KIAA1549L: variants seen among roughly 807,000 people sequenced by gnomAD.
The protein encoded by KIAA1549L is KIAA1549 like, also known as UPF0606 protein KIAA1549L.
Under a neutral mutation model 160.7 loss-of-function variants are expected in KIAA1549L, and 88 were observed. The observed-to-expected ratio is 0.55, with a 90% CI of 0.46 to 0.65. KIAA1549L has a LOEUF of 0.65. KIAA1549L is among the 30% of genes least tolerant of loss of function. The pLI is 0.00. For missense variants in KIAA1549L, 2,258 were observed against 2,437.5 expected (o/e 0.93, Z 1.55); for synonymous variants, 950 against 976.7 (o/e 0.97, Z 0.51).
At chr11:33,419,719 C>T (rs138031547) in intron 1 of KIAA1549L, among the ~76,000 whole-genome samples, 2,765 of 152,000 alleles carry the variant, frequency 0.018, 83 homozygotes, top group African/African-American at 0.061. Flanking sequence ...TGGTGGCACA[C>T]GCTTGTAACC....
chr11:33,399,536 C>A (rs1405327532), intron 1 of KIAA1549L, among the ~76,000 whole-genome samples: 1 of 152,136 alleles, frequency 6.6e-6, no homozygotes, highest in Non-Finnish European at 1.5e-5. Context: ...ATGAGCTGGC[C>A]ATCTGGTGAA....
At position 33,663,613 on chromosome 11, in the gene KIAA1549L, T is replaced by C. The variant is rs533377224; in HGVS notation, c.6159+2599T>C. ...CATTGGCTCTCTCAGCCACAGCAAG[T>C]ACAGTTAGCTGAATTTGAAATGCAG... On this transcript the variant is annotated intron_variant, in intron 20 of 20. Coordinates refer to ENST00000658780, the MANE Select transcript of KIAA1549L (RefSeq NM_012194.3). Among the ~76,000 whole-genome samples the C allele has an allele frequency of 3.3e-4, 51 of 152,272 alleles. 1 individual carries two copies. The South Asian group carries it at 0.01, about 31-fold the overall frequency.
At chr11:33,435,777 T>C (rs12792141) in intron 1 of KIAA1549L, among the ~76,000 whole-genome samples, 221 of 6,872 alleles carry the variant, frequency 0.032, 11 homozygotes, top group South Asian at 0.064. Context: ...TATATATATA[T>C]ATATATATAT....
At chr11:33,613,917 T>C (rs747007580) in intron 15 of KIAA1549L, among the ~76,000 whole-genome samples, 93 of 152,276 alleles carry the variant, frequency 6.1e-4, no homozygotes, top group Middle Eastern at 3.4e-3. Flanking sequence ...GTACATAACA[T>C]AATTGAGATG....
chr11:33,408,327 A>T (rs1850710137), intron 1 of KIAA1549L, among the ~76,000 whole-genome samples: 1 of 152,070 alleles, frequency 6.6e-6, no homozygotes, highest in Non-Finnish European at 1.5e-5. Flanking sequence ...GGACTTCGTC[A>T]CATAGCATCT....
At chr11:33,615,843 T>A (rs781211643) in intron 15 of KIAA1549L, among the ~76,000 whole-genome samples, 1 of 152,236 alleles carries the variant, frequency 6.6e-6, no homozygotes, top group Non-Finnish European at 1.5e-5. Context: ...TAATTGATAA[T>A]CTCAAGACAG....
rs760214253 is a variant in KIAA1549L at position 33,668,134 on chromosome 11, A to G, written c.6421A>G (p.Met2141Val). The part of the protein sequence containing the change: ...VAKLAKKQTD[M>V]FEFQV ...CAAGCTGGCCAAAAAACAGACAGACATGTTTGAGTTCCAGGTCTAACGCCT... is the reference window on the plus strand; with the variant it reads ...CAAGCTGGCCAAAAAACAGACAGACGTGTTTGAGTTCCAGGTCTAACGCCT... Residue 2141 changes from methionine (M) to valine (V), a missense_variant, in exon 21 of 21, where the codon ATG becomes GTG. Coordinates refer to ENST00000658780, the MANE Select transcript of KIAA1549L (RefSeq NM_012194.3). 1.9e-6 allele frequency: 3 copies of G among 1,613,706 alleles called. No homozygotes were observed. Among genetic ancestry groups the G allele is most frequent in the African/African-American group, 2.7e-5 (2 of 75,044 alleles).
intron 1 of KIAA1549L, among the ~76,000 whole-genome samples, chr11:33,408,471 T>TATAC (rs1247808019): frequency 1.4e-5 from 2 of 141,400 alleles, no homozygotes; most frequent in African/African-American, 5.7e-5. Flanking sequence ...GATATATATA[T>TATAC]ACATACTCTG....
At chr11:33,386,861 C>T (rs1289085702) in intron 1 of KIAA1549L, among the ~76,000 whole-genome samples, 2 of 152,156 alleles carry the variant, frequency 1.3e-5, no homozygotes, top group African/African-American at 4.8e-5. Context: ...AATCCCAACA[C>T]TTTGGGAGCC....
intron 1 of KIAA1549L, among the ~76,000 whole-genome samples, chr11:33,390,415 G>A (rs1329408500): frequency 6.6e-6 from 1 of 152,114 alleles, no homozygotes; most frequent in Non-Finnish European, 1.5e-5. Context: ...AACCTTGCAC[G>A]GGGCTTTTCA....
At chr11:33,471,566 T>G (rs1272569879) in intron 1 of KIAA1549L, among the ~76,000 whole-genome samples, 1 of 152,220 alleles carries the variant, frequency 6.6e-6, no homozygotes, top group African/African-American at 2.4e-5. Context: ...GCTTTATTCC[T>G]TCTTAGAAGT....
At chr11:33,651,511 A>G (rs572244538) in intron 17 of KIAA1549L, among the ~76,000 whole-genome samples, 40 of 151,194 alleles carry the variant, frequency 2.6e-4, no homozygotes, top group Non-Finnish European at 4.0e-4. Context: ...TCCCTGGGAC[A>G]GGGAAAGGGC....
chr11:33,655,824 G>A (rs956910156), intron 17 of KIAA1549L, among the ~76,000 whole-genome samples, 188 bp from the exon 18 acceptor site: 4 of 152,184 alleles, frequency 2.6e-5, no homozygotes, highest in Non-Finnish European at 5.9e-5. Flanking sequence ...TGGCCCCAGC[G>A]AGAGTGGTGG....
intron 1 of KIAA1549L, among the ~76,000 whole-genome samples, chr11:33,428,259 A>T (rs1851160689): frequency 6.6e-6 from 1 of 151,972 alleles, no homozygotes; most frequent in African/African-American, 2.4e-5. Context: ...AAGTGTTCTG[A>T]TTTCCTTATA....
chr11:33,426,297 C>A (rs1267321138), intron 1 of KIAA1549L, among the ~76,000 whole-genome samples: 1 of 152,148 alleles, frequency 6.6e-6, no homozygotes, highest in Non-Finnish European at 1.5e-5. Context: ...AAGTTAAAAA[C>A]ATGATACTGG....
At chr11:33,572,118 C>A (rs185213971) in intron 9 of KIAA1549L, among the ~76,000 whole-genome samples, 1 of 151,982 alleles carries the variant, frequency 6.6e-6, no homozygotes, top group Non-Finnish European at 1.5e-5. Context: ...CTCACTGCAA[C>A]CTCCGCCTCC....
At chr11:33,590,710 C>T (rs1850027214) in intron 11 of KIAA1549L, among the ~76,000 whole-genome samples, 1 of 152,168 alleles carries the variant, frequency 6.6e-6, no homozygotes, top group African/African-American at 2.4e-5. Flanking sequence ...CACTTTAATA[C>T]TCAAGGGTGG....
intron 1 of KIAA1549L, among the ~76,000 whole-genome samples, chr11:33,535,254 G>T (rs1158827448): frequency 6.6e-6 from 1 of 152,172 alleles, no homozygotes; most frequent in South Asian, 2.1e-4. Flanking sequence ...CACCAGCTGG[G>T]CTTTCCCATT....
At chr11:33,626,229 A>T (rs1353710941) in intron 16 of KIAA1549L, among the ~76,000 whole-genome samples, 2 of 141,352 alleles carry the variant, frequency 1.4e-5, no homozygotes, top group Non-Finnish European at 3.1e-5. Context: ...CTTAGGATTG[A>T]CTTGGCAATG....
Sources: allele counts gnomAD v4.1 joint callset (sites outside exome capture counted in the v4.1 genomes callset), GRCh38; gene constraint gnomAD v4.1.1; transcripts MANE v1.5; gene names NCBI Gene and HGNC (gene_info 2026-07-23, HGNC 2026-07-21).